Variants in AHI1 observed in about 807,000 individuals in gnomAD.
AHI1 encodes the protein jouberin.
AHI1 carries 123 observed loss-of-function variants against 149.3 expected under a neutral mutation model. The ratio of observed to expected loss-of-function variants is 0.82; its 90% CI spans 0.71 to 0.96. The LOEUF (loss-of-function observed/expected upper bound fraction) is 0.96, where lower values mean the gene tolerates loss of function less well. Ranked by LOEUF, AHI1 falls within the 40% of genes least tolerant of loss-of-function variation. AHI1 has a pLI of 0.00. For synonymous variants in AHI1, 475 were observed against 459.8 expected (o/e 1.03, Z -0.42); for missense variants, 1,439 against 1,422.7 (o/e 1.01, Z -0.18).
intron 24 of AHI1, among the ~76,000 whole-genome samples, chr6:135,325,722 T>C (rs1209472942): frequency 6.6e-6 from 1 of 152,220 alleles, no homozygotes; most frequent in African/African-American, 2.4e-5. Flanking sequence ...AACTCTGTGA[T>C]GGTTTGTTCC....
intron 21 of AHI1, among the ~76,000 whole-genome samples, chr6:135,406,742 G>C (rs1780850342): frequency 6.6e-6 from 1 of 152,100 alleles, no homozygotes; most frequent in African/African-American, 2.4e-5. Context: ...TCATTAGCCT[G>C]GGCTTCAGGT....
intron 15 of AHI1, among the ~76,000 whole-genome samples, 200 bp downstream of exon 15, chr6:135,438,175 T>C (rs1785695228): frequency 6.6e-6 from 1 of 152,162 alleles, no homozygotes; most frequent in Non-Finnish European, 1.5e-5. Flanking sequence ...ATATGCTACA[T>C]AAATAAAAGA....
At chr6:135,338,159 G>A (rs922894620) in intron 24 of AHI1, among the ~76,000 whole-genome samples, 15 of 151,874 alleles carry the variant, frequency 9.9e-5, no homozygotes, top group African/African-American at 3.4e-4. Context: ...AAATTAGCCG[G>A]CATGGTGGCG....
At chr6:135,445,548 CA>C (rs755693479) in intron 13 of AHI1, among the ~76,000 whole-genome samples, 46 of 152,178 alleles carry the variant, frequency 3.0e-4, no homozygotes, top group Non-Finnish European at 4.7e-4. Flanking sequence ...TTACAGACAT[CA>C]AAAAATTTTT....
At chr6:135,373,771 A>C (rs1775422027) in intron 23 of AHI1, among the ~76,000 whole-genome samples, 1 of 152,226 alleles carries the variant, frequency 6.6e-6, no homozygotes, top group African/African-American at 2.4e-5. Flanking sequence ...TTTTGAAGAC[A>C]GAACATATGT....
Position 135,290,508 on chromosome 6 carries a change from T to A in AHI1, c.3503A>T (p.Glu1168Val). Residue 1168 changes from glutamate to valine, a missense_variant, in exon 28 of 29, where the codon GAA becomes GTA. By Grantham distance (121) the Glu-to-Val change is moderately radical (BLOSUM62 -2). Transcript: ENST00000265602. The part of the protein sequence containing the change: ...ESMTHSEMRK[E>V]QSHEDQGHIM... ...GTGTCCTTGGTCCTCATGGCTCTGT[T>A]CTTTTCTCATTTCAGAACTATAGGA... 2.5e-6 allele frequency: 4 copies of A among 1,613,866 alleles called. No individual in the cohort carries two copies. Among genetic ancestry groups the A allele is most frequent in the Non-Finnish European group, 3.4e-6 (4 of 1,179,830 alleles).
intron 24 of AHI1, among the ~76,000 whole-genome samples, chr6:135,343,614 G>C (rs1790706253): frequency 6.6e-6 from 1 of 150,440 alleles, no homozygotes; most frequent in East Asian, 1.9e-4. Context: ...TTTTCAACAA[G>C]GGTGCCAAGA....
chr6:135,382,910 AAAAAAAAAAAAAAAAAATAT>A (rs1776984376), intron 23 of AHI1, among the ~76,000 whole-genome samples: 2 of 101,254 alleles, frequency 2.0e-5, no homozygotes, highest in South Asian at 7.3e-4. Flanking sequence ...AAAAAAAAAA[AAAAAAAAAAAAAAAAAATAT>A]ATATATATAT....
intron 10 of AHI1, among the ~76,000 whole-genome samples, chr6:135,454,806 A>C (rs1004483286): frequency 6.6e-6 from 1 of 152,232 alleles, no homozygotes; most frequent in African/African-American, 2.4e-5. Context: ...GATACAAATT[A>C]TATCAATTTT....
At chr6:135,404,084 C>T (rs887173376) in intron 22 of AHI1, among the ~76,000 whole-genome samples, 1 of 151,438 alleles carries the variant, frequency 6.6e-6, no homozygotes, top group African/African-American at 2.4e-5. Context: ...AATATACTAA[C>T]ATTCTAATTC....
intron 26 of AHI1, chr6:135,302,923 G>A (rs1583590035): frequency 1.4e-6 from 1 of 705,626 alleles, no homozygotes; most frequent in East Asian, 7.0e-5. Context: ...ACACACACTT[G>A]TTAGAAAGTT....
intron 17 of AHI1, 141 bp downstream of exon 17, chr6:135,431,063 CTAAT>C: frequency 1.8e-6 from 1 of 567,958 alleles, no homozygotes; most frequent in Non-Finnish European, 3.1e-6. Context: ...GGAGGGTGTG[CTAAT>C]TAATTATTGA....
chr6:135,372,486 T>G (rs1047928936), intron 23 of AHI1, among the ~76,000 whole-genome samples: 1 of 141,004 alleles, frequency 7.1e-6, no homozygotes. Flanking sequence ...CCTGGCAACA[T>G]AGCGAGACCC....
intron 24 of AHI1, among the ~76,000 whole-genome samples, chr6:135,340,439 A>T (rs1033878405): frequency 3.3e-5 from 5 of 151,660 alleles, no homozygotes; most frequent in African/African-American, 7.3e-5. Context: ...TGGGTTACTG[A>T]AAAAATAAAT....
intron 5 of AHI1, among the ~76,000 whole-genome samples, chr6:135,477,382 G>C (rs1792847410): frequency 2.0e-5 from 3 of 152,028 alleles, no homozygotes; most frequent in Non-Finnish European, 4.4e-5. Flanking sequence ...ATAGATTTTT[G>C]TGATTCCATT....
chr6:135,363,726 C>T (rs372594670), intron 23 of AHI1, among the ~76,000 whole-genome samples: 3,060 of 132,722 alleles, frequency 0.023, 48 homozygotes, highest in East Asian at 0.057. Flanking sequence ...CGGGCAGAGG[C>T]GCCCCTCACT....
At chr6:135,427,415 G>A in intron 19 of AHI1, 108 bp from the exon 20 acceptor site, 1 of 938,086 alleles carries the variant, frequency 1.1e-6, no homozygotes, top group Non-Finnish European at 1.6e-6. Context: ...TAGCAATGAT[G>A]CTCACATTAT....
chr6:135,492,905 T>G, intron 3 of AHI1: 1 of 983,090 alleles, frequency 1.0e-6, no homozygotes. Context: ...AATCGGTGTA[T>G]GTCTAAAATG....
At chr6:135,485,722 T>G (rs1487919809) in intron 5 of AHI1, among the ~76,000 whole-genome samples, 1 of 152,234 alleles carries the variant, frequency 6.6e-6, no homozygotes, top group Non-Finnish European at 1.5e-5. Context: ...GTATACTTAT[T>G]TTGTTCACAC....
Sources: allele counts gnomAD v4.1 joint callset (sites outside exome capture counted in the v4.1 genomes callset), GRCh38; gene constraint gnomAD v4.1.1; transcripts MANE v1.5; gene names NCBI Gene and HGNC (gene_info 2026-07-23, HGNC 2026-07-21).